PCDH7: variants seen among roughly 807,000 people sequenced by gnomAD.
PCDH7 encodes protocadherin 7, also known as protocadherin-7.
A neutral mutation model predicts 58.9 loss-of-function variants in PCDH7; 17 were observed. The ratio of observed to expected loss-of-function variants is 0.29; its 90% CI spans 0.20 to 0.43. The LOEUF (loss-of-function observed/expected upper bound fraction) is 0.43. Among genes scored for constraint, PCDH7 ranks in the 20% least tolerant of loss-of-function variants. The pLI, the probability that PCDH7 is intolerant of heterozygous loss-of-function variation, is 1.00. For missense variants in PCDH7, 1,274 were observed against 1,441.0 expected, an observed-to-expected ratio of 0.88 and a Z score of 1.88; for synonymous variants, 664 against 616.4, an observed-to-expected ratio of 1.08 and a Z score of -1.14.
intron 3 of PCDH7, among the ~76,000 whole-genome samples, chr4:31,022,343 T>C (rs569248688): frequency 6.6e-6 from 1 of 152,350 alleles, no homozygotes; most frequent in East Asian, 1.9e-4. Context: ...GAGTAAGTAA[T>C]GACTTTAAAA....
intron 3 of PCDH7, among the ~76,000 whole-genome samples, chr4:31,024,932 A>G (rs752504060): frequency 6.6e-6 from 1 of 152,018 alleles, no homozygotes. Context: ...TAGTAGAGAC[A>G]GGGTTTCACC....
intron 1 of PCDH7, among the ~76,000 whole-genome samples, chr4:30,806,083 C>T (rs370577899): frequency 3.3e-5 from 5 of 152,162 alleles, no homozygotes; most frequent in South Asian, 2.1e-4. Flanking sequence ...TAGAGCATTT[C>T]GGATTTCAGA....
At chr4:31,036,619 A>T (rs1359114282) in intron 3 of PCDH7, among the ~76,000 whole-genome samples, 1 of 152,156 alleles carries the variant, frequency 6.6e-6, no homozygotes, top group African/African-American at 2.4e-5. Flanking sequence ...TGAACTATAT[A>T]ATGTTCATTC....
At chr4:31,031,747 C>G (rs544940606) in intron 3 of PCDH7, among the ~76,000 whole-genome samples, 1 of 152,006 alleles carries the variant, frequency 6.6e-6, no homozygotes, top group Non-Finnish European at 1.5e-5. Context: ...ATTAAAAGGG[C>G]CTTTGGAAAC....
intron 2 of PCDH7, among the ~76,000 whole-genome samples, chr4:30,941,714 C>T (rs1746056369): frequency 1.3e-5 from 2 of 151,842 alleles, no homozygotes; most frequent in African/African-American, 4.8e-5. Flanking sequence ...ACAACCTGCC[C>T]TCCCATACCT....
At chr4:30,944,619 T>G (rs1426238320) in intron 2 of PCDH7, among the ~76,000 whole-genome samples, 7 of 152,166 alleles carry the variant, frequency 4.6e-5, no homozygotes, top group Non-Finnish European at 7.3e-5. Flanking sequence ...AGACTGTAAA[T>G]GTTCTAGTGA....
rs76732754 is a variant in PCDH7 at position 30,803,533 on chromosome 4, G to A, written c.70+78937G>A. 7.5e-3 allele frequency among the ~76,000 whole-genome samples: 1,137 copies of A among 152,132 alleles called. 25 individuals are homozygous for A. Among genetic ancestry groups the A allele is most frequent in the African/African-American group, 0.025 (1,039 of 41,484 alleles). ...GCTCACTGCAACCTCAAACTCCGGCGCTCAAGAGATCCTCCTGCTTCAGCC... is the reference window on the plus strand; with the variant it reads ...GCTCACTGCAACCTCAAACTCCGGCACTCAAGAGATCCTCCTGCTTCAGCC... On this transcript the variant is annotated intron_variant, in intron 1 of 3. Transcript: ENST00000509759.
At chr4:30,940,671 G>A (rs1745919832) in intron 2 of PCDH7, among the ~76,000 whole-genome samples, 1 of 151,908 alleles carries the variant, frequency 6.6e-6, no homozygotes, top group African/African-American at 2.4e-5. Flanking sequence ...ACTTAACTGA[G>A]ACATAAAAGA....
chr4:30,950,915 G>T (rs979387475), intron 3 of PCDH7, among the ~76,000 whole-genome samples: 3 of 152,180 alleles, frequency 2.0e-5, no homozygotes, highest in African/African-American at 7.2e-5. Flanking sequence ...CTCCAGCAGA[G>T]TCATAACCTA....
At chr4:30,915,083 C>T in intron 1 of PCDH7, among the ~76,000 whole-genome samples, 1 of 152,144 alleles carries the variant, frequency 6.6e-6, no homozygotes, top group East Asian at 1.9e-4. Flanking sequence ...CCCACCTTAT[C>T]TTGTTGAGCA....
intron 3 of PCDH7, among the ~76,000 whole-genome samples, chr4:31,082,354 G>C (rs2109270910): frequency 6.6e-6 from 1 of 152,238 alleles, no homozygotes; most frequent in South Asian, 2.1e-4. Flanking sequence ...TAAAAGGTCT[G>C]TAGATTACAT....
At chr4:31,047,168 A>G (rs1231860455) in intron 3 of PCDH7, among the ~76,000 whole-genome samples, 6 of 152,046 alleles carry the variant, frequency 3.9e-5, no homozygotes, top group Admixed American at 3.9e-4. Flanking sequence ...ATCACATAAC[A>G]GCAGTTTTAA....
chr4:30,798,417 G>A lies in PCDH7; in HGVS notation c.70+73821G>A, dbSNP rs1051046910. On this transcript the variant is annotated intron_variant, in intron 1 of 3. Coordinates refer to the PCDH7 transcript ENST00000509759. ...TCATGGCCATAATTTATGTAAGATA[G>A]GATGTAGTAGAAACAATCGCATTTG... Among the ~76,000 whole-genome samples, 63 of 152,242 alleles carry A rather than the reference G, an allele frequency of 4.1e-4. 1 individual carries two copies. The highest frequency in any genetic ancestry group is 1.3e-3 in the African/African-American group (54 of 41,560).
At chr4:30,968,615 T>C (rs1473550085) in intron 3 of PCDH7, among the ~76,000 whole-genome samples, 5 of 151,820 alleles carry the variant, frequency 3.3e-5, no homozygotes, top group Admixed American at 2.0e-4. Context: ...TTCTAATATT[T>C]TAATCATTGA....
intron 1 of PCDH7, among the ~76,000 whole-genome samples, chr4:30,785,868 TA>T (rs373198923): frequency 6.1e-4 from 93 of 152,160 alleles, no homozygotes; most frequent in African/African-American, 1.6e-3. Context: ...GATTTATTAT[TA>T]TTTTTTGGCA....
Position 30,720,950 on chromosome 4 carries a change from G to A in PCDH7, c.-473G>A. On this transcript the variant is annotated 5_prime_UTR_variant, in exon 1 of 2. Coordinates refer to ENST00000361762, the Ensembl canonical transcript of PCDH7. This position sits in a 1 kb window ranked among gnomAD's most constrained non-coding sequence, Gnocchi z 4.7. ...CAAAGACCAGCGGGCTGGCAGGCGG[G>A]GGAGGCTGCAGGCTCATTCCCCACC... 1 of 158,926 alleles carries A rather than the reference G, an allele frequency of 6.3e-6. No individual in the cohort carries two copies. The highest frequency in any genetic ancestry group is 2.0e-4 in the South Asian group (1 of 4,928). 9.8% of individuals were successfully genotyped at this position (158,926 alleles called of 1,614,324 possible).
intron 1 of PCDH7, among the ~76,000 whole-genome samples, chr4:30,861,448 A>T (rs979944129): frequency 6.6e-6 from 1 of 152,192 alleles, no homozygotes; most frequent in African/African-American, 2.4e-5. Context: ...AATGTAGTTG[A>T]AAAAGCAACA....
chr4:30,929,483 GA>G (rs1488998539), intron 2 of PCDH7, among the ~76,000 whole-genome samples: 1 of 152,054 alleles, frequency 6.6e-6, no homozygotes, highest in Non-Finnish European at 1.5e-5. Flanking sequence ...TTCGTTATAA[GA>G]ATGAGAAAAT....
At chr4:30,954,221 A>C (rs1252314186) in intron 3 of PCDH7, among the ~76,000 whole-genome samples, 1 of 152,144 alleles carries the variant, frequency 6.6e-6, no homozygotes, top group Non-Finnish European at 1.5e-5. Flanking sequence ...CAGAACTAGG[A>C]AATTTAATTA....
Sources: allele counts gnomAD v4.1 joint callset (sites outside exome capture counted in the v4.1 genomes callset), GRCh38; gene constraint gnomAD v4.1.1; non-coding constraint Gnocchi (gnomAD v3.1); transcripts MANE v1.5; gene names NCBI Gene and HGNC (gene_info 2026-07-23, HGNC 2026-07-21).